NLGN1: variants seen among roughly 807,000 people sequenced by gnomAD.
NLGN1 encodes the protein neuroligin 1, also known as neuroligin-1.
Under a neutral mutation model 65.5 loss-of-function variants are expected in NLGN1, and 12 were observed. The observed-to-expected ratio is 0.18, with a 90% CI of 0.12 to 0.30. NLGN1 has a LOEUF of 0.30. Among genes scored for constraint, NLGN1 ranks in the 10% least tolerant of loss-of-function variants. The pLI is 1.00. For missense variants in NLGN1, 750 were observed against 1,007.1 expected, an observed-to-expected ratio of 0.74 and a Z score of 3.46; for synonymous variants, 350 against 359.5, an observed-to-expected ratio of 0.97 and a Z score of 0.30.
intron 4 of NLGN1, among the ~76,000 whole-genome samples, chr3:174,106,602 C>A (rs1252061907): frequency 2.0e-5 from 3 of 151,878 alleles, no homozygotes; most frequent in Non-Finnish European, 2.9e-5. Flanking sequence ...AAAGAGAGAT[C>A]CTGTATTAGT....
At chr3:173,516,902 T>G (rs1414880854) in intron 2 of NLGN1, among the ~76,000 whole-genome samples, 4 of 152,086 alleles carry the variant, frequency 2.6e-5, no homozygotes, top group Non-Finnish European at 5.9e-5. Context: ...TTGATTAGCT[T>G]TATCTACTTC....
chr3:173,436,782 C>T (rs1460131978), intron 2 of NLGN1, among the ~76,000 whole-genome samples: 2 of 152,128 alleles, frequency 1.3e-5, no homozygotes, highest in East Asian at 1.9e-4. Context: ...ACCCCATCCC[C>T]GCCATTCTTT....
At chr3:173,576,911 C>T (rs1745584623) in intron 2 of NLGN1, among the ~76,000 whole-genome samples, 2 of 152,066 alleles carry the variant, frequency 1.3e-5, no homozygotes, top group South Asian at 2.1e-4. Flanking sequence ...ATTTTAAGAT[C>T]AACGAAACGG....
intron 2 of NLGN1, among the ~76,000 whole-genome samples, chr3:173,547,881 G>A (rs9811892): frequency 0.051 from 7,695 of 152,022 alleles, 613 homozygotes; most frequent in African/African-American, 0.18. Flanking sequence ...GGAAGTCTTG[G>A]TAAGGAGGCC....
At chr3:173,447,958 T>G (rs1022856713) in intron 2 of NLGN1, among the ~76,000 whole-genome samples, 1 of 152,226 alleles carries the variant, frequency 6.6e-6, no homozygotes, top group African/African-American at 2.4e-5. Context: ...AAGGAGATTT[T>G]GGGCTGAGAC....
At chr3:174,052,969 T>A (rs547235952) in intron 4 of NLGN1, among the ~76,000 whole-genome samples, 1 of 152,160 alleles carries the variant, frequency 6.6e-6, no homozygotes, top group South Asian at 2.1e-4. Context: ...AACTAGCTAA[T>A]TGCTACCTGT....
chr3:174,203,694 T>A (rs1734910828), intron 4 of NLGN1, among the ~76,000 whole-genome samples: 1 of 152,212 alleles, frequency 6.6e-6, no homozygotes, highest in South Asian at 2.1e-4. Flanking sequence ...TATGTGAATA[T>A]CGACTAGGGT....
At chr3:174,263,580 T>G (rs530511077) in intron 4 of NLGN1, among the ~76,000 whole-genome samples, 1 of 152,230 alleles carries the variant, frequency 6.6e-6, no homozygotes, top group Admixed American at 6.5e-5. Context: ...TGTGTGTCTC[T>G]GCACGTGAGA....
intron 4 of NLGN1, among the ~76,000 whole-genome samples, chr3:173,951,091 T>C (rs1748115059): frequency 6.6e-6 from 1 of 152,068 alleles, no homozygotes; most frequent in Non-Finnish European, 1.5e-5. Context: ...GGTCTCGAAC[T>C]CCTGACCTTA....
At chr3:173,612,704 T>C (rs1362797573) in intron 3 of NLGN1, among the ~76,000 whole-genome samples, 1 of 152,058 alleles carries the variant, frequency 6.6e-6, no homozygotes, top group Non-Finnish European at 1.5e-5. Context: ...AATAAGGTCA[T>C]TGTATCGCTT....
At chr3:174,262,895 C>T (rs540896393) in intron 4 of NLGN1, among the ~76,000 whole-genome samples, 268 of 106,864 alleles carry the variant, frequency 2.5e-3, no homozygotes, top group African/African-American at 9.7e-3. Flanking sequence ...TCTTTGTTCT[C>T]GTTGGTTTCA....
At chr3:173,880,986 C>CA (rs1307467445) in intron 4 of NLGN1, among the ~76,000 whole-genome samples, 4 of 150,380 alleles carry the variant, frequency 2.7e-5, no homozygotes, top group South Asian at 2.1e-4. Flanking sequence ...GATTGCATCT[C>CA]AAAAAAAACC....
At chr3:174,173,462 T>A (rs2152737213) in intron 4 of NLGN1, among the ~76,000 whole-genome samples, 1 of 152,128 alleles carries the variant, frequency 6.6e-6, no homozygotes, top group African/African-American at 2.4e-5. Context: ...TATAAATCTG[T>A]CGAATTTGGA....
At chr3:173,430,367 GATA>G (rs1415382956) in intron 1 of NLGN1, among the ~76,000 whole-genome samples, 1 of 152,218 alleles carries the variant, frequency 6.6e-6, no homozygotes, top group South Asian at 2.1e-4. Flanking sequence ...ACTCCATTTT[GATA>G]ATATCACTCT....
At chr3:174,102,879 A>G (rs1712864539) in intron 4 of NLGN1, among the ~76,000 whole-genome samples, 1 of 152,156 alleles carries the variant, frequency 6.6e-6, no homozygotes, top group Non-Finnish European at 1.5e-5. Context: ...TGCTACGTCT[A>G]CACTAATTAA....
chr3:173,636,327 G>C (rs1296681351), intron 3 of NLGN1, among the ~76,000 whole-genome samples: 2 of 151,972 alleles, frequency 1.3e-5, no homozygotes, highest in Non-Finnish European at 2.9e-5. Flanking sequence ...TTTATCAACA[G>C]ACGTTTTCAC....
intron 3 of NLGN1, among the ~76,000 whole-genome samples, chr3:173,778,707 G>T (rs1314642078): frequency 6.6e-6 from 1 of 151,772 alleles, no homozygotes; most frequent in Non-Finnish European, 1.5e-5. Context: ...TAACAATAAA[G>T]TTAATGCTCC....
intron 2 of NLGN1, among the ~76,000 whole-genome samples, chr3:173,565,936 A>G (rs1743585661): frequency 6.6e-6 from 1 of 152,212 alleles, no homozygotes. Flanking sequence ...AATTCAGAGG[A>G]TTGAACCAAT....
At chr3:173,568,516 C>T (rs57616928) in intron 2 of NLGN1, among the ~76,000 whole-genome samples, 71,701 of 151,862 alleles carry the variant, frequency 0.47, 16,571 homozygotes, top group East Asian at 0.73. Context: ...ATTACAGGCA[C>T]AAGCCACTGT....
Sources: gnomAD v4.1 joint callset for allele counts (sites outside exome capture counted in the v4.1 genomes callset) on GRCh38, gnomAD v4.1.1 for gene constraint, MANE v1.5 for transcripts, NCBI Gene and HGNC (gene_info 2026-07-23, HGNC 2026-07-21) for gene names.